C4orf36: variants seen among roughly 807,000 people sequenced by gnomAD.
C4orf36 encodes chromosome 4 open reading frame 36, also known as uncharacterized protein C4orf36.
A neutral mutation model predicts 12.2 loss-of-function variants in C4orf36; 11 were observed. The observed-to-expected ratio is 0.90, with a 90% CI of 0.57 to 1.49. The LOEUF is 1.49. Among genes scored for constraint, C4orf36 ranks in the 40% most tolerant of loss-of-function variants. The pLI is 0.00. For missense variants in C4orf36, 137 were observed against 133.9 expected, an observed-to-expected ratio of 1.02 and a Z score of -0.11; for synonymous variants, 54 against 51.3, an observed-to-expected ratio of 1.05 and a Z score of -0.22.
chr4:86,915,256 A>G, the C4orf36 span, among the ~76,000 whole-genome samples: 1 of 152,082 alleles, frequency 6.6e-6, no homozygotes, highest in African/African-American at 2.4e-5. Context: ...GGTTGCTCCC[A>G]TGTATGGATG....
At chr4:86,884,770 C>T (rs1747132387) in intron 4 of C4orf36, among the ~76,000 whole-genome samples, 1 of 152,168 alleles carries the variant, frequency 6.6e-6, no homozygotes, top group South Asian at 2.1e-4. Context: ...ACATGAAGTC[C>T]TTGCCCATGC....
chr4:86,893,583 A>G (rs923720581), upstream of C4orf36, among the ~76,000 whole-genome samples: 23 of 147,028 alleles, frequency 1.6e-4, no homozygotes, highest in Non-Finnish European at 1.5e-5. Flanking sequence ...CTCCATCTCA[A>G]AAAAAAAAAA....
chr4:86,905,508 GCACCAT>G, the C4orf36 span, among the ~76,000 whole-genome samples: 1 of 152,142 alleles, frequency 6.6e-6, no homozygotes, highest in Non-Finnish European at 1.5e-5. Context: ...AGCTATGATG[GCACCAT>G]TGCACTCTAG....
At position 86,885,426 on chromosome 4, in the gene C4orf36, G is replaced by T. The variant is rs189552475; in HGVS notation, c.*2+2332C>A. Among the ~76,000 whole-genome samples, 136 of 152,190 alleles carry T rather than the reference G, an allele frequency of 8.9e-4. 1 individual carries two copies. Among genetic ancestry groups the T allele is most frequent in the African/African-American group, 2.0e-3 (84 of 41,530 alleles). ...AGAGGTCCTTCACATCCCTTGTAAG[G>T]TGGATTCCTATGTATTTTATTCTCT... On this transcript the variant is annotated intron_variant, in intron 4 of 4. Transcript: ENST00000295898.
chr4:86,884,832 T>C (rs1184923414), intron 4 of C4orf36, among the ~76,000 whole-genome samples: 1 of 152,222 alleles, frequency 6.6e-6, no homozygotes, highest in African/African-American at 2.4e-5. Flanking sequence ...TTTATGGTTT[T>C]TAGGTCTAAC....
the C4orf36 span, among the ~76,000 whole-genome samples, chr4:86,902,912 T>TA: frequency 6.9e-3 from 1,037 of 151,296 alleles, 16 homozygotes; most frequent in African/African-American, 0.024. Context: ...AACAGTGTAA[T>TA]AAAAAAAAAT....
At chr4:86,905,750 C>T in the C4orf36 span, among the ~76,000 whole-genome samples, 2 of 149,748 alleles carry the variant, frequency 1.3e-5, no homozygotes, top group African/African-American at 2.5e-5. Context: ...CATAGTCTCG[C>T]TCTGTTGCCC....
At chr4:86,881,867 G>A (rs553506851) in intron 4 of C4orf36, among the ~76,000 whole-genome samples, 19 of 152,056 alleles carry the variant, frequency 1.2e-4, no homozygotes, top group African/African-American at 4.6e-4. Flanking sequence ...TAGTAGAGAC[G>A]GGGTTTCACC....
At chr4:86,917,480 G>GAAAAGAAAGAAAT in the C4orf36 span, among the ~76,000 whole-genome samples, 1 of 135,212 alleles carries the variant, frequency 7.4e-6, no homozygotes, top group Non-Finnish European at 1.6e-5. Flanking sequence ...AAGAAATAAA[G>GAAAAGAAAGAAAT]AAAAAGAAAG....
upstream of C4orf36, among the ~76,000 whole-genome samples, chr4:86,893,960 C>A (rs1250736745): frequency 5.9e-5 from 9 of 151,388 alleles, no homozygotes; most frequent in Non-Finnish European, 1.2e-4. Flanking sequence ...GCAGTGGCGC[C>A]ATCTCAGCTC....
chr4:86,932,380 C>T, the C4orf36 span: 4 of 149,058 alleles, frequency 2.7e-5, no homozygotes, highest in East Asian at 8.0e-4. Context: ...TATTTATATA[C>T]TTTGCGAGAA....
chr4:86,886,316 A>C (rs1747177151), intron 4 of C4orf36, among the ~76,000 whole-genome samples: 1 of 152,246 alleles, frequency 6.6e-6, no homozygotes, highest in Non-Finnish European at 1.5e-5. Flanking sequence ...AACTACCATC[A>C]GAGTGAACAG....
At chr4:86,904,814 A>G in the C4orf36 span, among the ~76,000 whole-genome samples, 1 of 152,176 alleles carries the variant, frequency 6.6e-6, no homozygotes, top group East Asian at 1.9e-4. Context: ...AAGAGAAGCT[A>G]CAAAGCAGCA....
chr4:86,898,947 C>T, the C4orf36 span, among the ~76,000 whole-genome samples: 2 of 152,204 alleles, frequency 1.3e-5, no homozygotes, highest in African/African-American at 4.8e-5. Flanking sequence ...CTGAACCTGC[C>T]AGGCACAGTG....
intron 4 of C4orf36, 175 bp from the exon 5 acceptor site, chr4:86,876,618 A>G (rs1746934777): frequency 1.9e-6 from 3 of 1,613,896 alleles, no homozygotes; most frequent in South Asian, 1.1e-5. Context: ...CAGTTCTTCA[A>G]TGAACCAGAA....
At chr4:86,913,349 C>A in the C4orf36 span, 1 of 831,850 alleles carries the variant, frequency 1.2e-6, no homozygotes, top group Non-Finnish European at 2.0e-6. Flanking sequence ...TTGCGACAAT[C>A]TTGCTTGCCC....
At chr4:86,893,649 A>G (rs1747514818), upstream of C4orf36, among the ~76,000 whole-genome samples, 1 of 151,796 alleles carries the variant, frequency 6.6e-6, no homozygotes, top group African/African-American at 2.4e-5. Flanking sequence ...CCTTCTGATT[A>G]GAGTAGGCTC....
intron 4 of C4orf36, among the ~76,000 whole-genome samples, chr4:86,885,505 T>G (rs1406505880): frequency 6.6e-6 from 1 of 152,204 alleles, no homozygotes; most frequent in Non-Finnish European, 1.5e-5. Context: ...TGTTTGTCTG[T>G]TATTGGTGTA....
chr4:86,896,208 T>C (rs1037986117), upstream of C4orf36, among the ~76,000 whole-genome samples: 3 of 152,214 alleles, frequency 2.0e-5, no homozygotes, highest in Non-Finnish European at 4.4e-5. Flanking sequence ...TTCTAATTTT[T>C]GTGCCGTCCT....
Sources: gnomAD v4.1 joint callset for allele counts (sites outside exome capture counted in the v4.1 genomes callset) on GRCh38, gnomAD v4.1.1 for gene constraint, MANE v1.5 for transcripts, NCBI Gene and HGNC (gene_info 2026-07-23, HGNC 2026-07-21) for gene names.